PANX1: variants seen among roughly 807,000 people sequenced by gnomAD.
The protein encoded by PANX1 is pannexin-1.
A neutral mutation model predicts 38.7 loss-of-function variants in PANX1; 30 were observed. That is an observed-to-expected ratio of 0.78 (90% confidence interval 0.58 to 1.05). The LOEUF is 1.05. Among genes scored for constraint, PANX1 ranks in the 50% least tolerant of loss-of-function variants. The pLI is 0.00. For synonymous variants in PANX1, 230 were observed against 212.2 expected (o/e 1.08, Z -0.73); for missense variants, 551 against 517.2 (o/e 1.07, Z -0.63).
In PANX1 at chr11:94,163,193, A is replaced by G. The variant is rs150384882; in HGVS notation, c.321+9563A>G. ...TTTAATTTTTAAGTTTTATGGTTAC[A>G]TAATATTTGTACATATTTGTGGACT... On this transcript the variant is annotated intron_variant, in intron 2 of 4. Transcript: ENST00000227638. Among the ~76,000 whole-genome samples the G allele has an allele frequency of 7.1e-3, 1,080 of 152,270 alleles. 7 individuals are homozygous for G. Among genetic ancestry groups the G allele is most frequent in the South Asian group, 0.012 (57 of 4,824 alleles).
intron 1 of PANX1, among the ~76,000 whole-genome samples, chr11:94,133,583 TA>T (rs1946655123): frequency 6.6e-6 from 1 of 152,144 alleles, no homozygotes; most frequent in Admixed American, 6.5e-5. Context: ...ATGTAAGAAC[TA>T]AAATGTGCAC....
In PANX1 at chr11:94,179,736, C is replaced by T. The variant is rs201905685; in HGVS notation, c.680C>T (p.Ala227Val). 9.2e-5 allele frequency: 148 copies of T among 1,613,810 alleles called. No homozygotes were observed. Among genetic ancestry groups the T allele is most frequent in the Non-Finnish European group, 1.2e-4 (138 of 1,179,918 alleles). ...RLLTLIIILL[A>V]CIYLGYYFSL... ...CTGACACTCATCATTATACTGTTAG[C>T]GTGTATCTACCTGGGCTATTACTTC... The change falls in exon 4 of 5, where the codon GCG becomes GTG. Residue 227 changes from alanine to valine, a missense_variant. Coordinates refer to ENST00000227638, the MANE Select transcript of PANX1 (RefSeq NM_015368.4).
chr11:94,158,385 G>C (rs569308088), intron 2 of PANX1, among the ~76,000 whole-genome samples: 4 of 152,204 alleles, frequency 2.6e-5, no homozygotes, highest in African/African-American at 9.7e-5. Flanking sequence ...CAGGAGCATG[G>C]AACGTTCTTC....
intron 1 of PANX1, among the ~76,000 whole-genome samples, chr11:94,151,367 A>G (rs2024157636): frequency 6.6e-6 from 1 of 152,184 alleles, no homozygotes; most frequent in Non-Finnish European, 1.5e-5. Context: ...ACTCTTTCCT[A>G]TAGAAAGAAT....
At chr11:94,170,185 G>T (rs1947148773) in intron 2 of PANX1, among the ~76,000 whole-genome samples, 1 of 151,524 alleles carries the variant, frequency 6.6e-6, no homozygotes, top group African/African-American at 2.4e-5. Context: ...CCCAAACTGA[G>T]ACCTGCATCC....
Position 94,129,628 on chromosome 11 carries a change from A to G in PANX1, c.181+135A>G, listed in dbSNP as rs572927155. ...GAGCGTCAGGAAGGGCAGTGGCCCC[A>G]GTTTTATGGTCCAAAGCGTTCTTTG... On this transcript the variant is annotated intron_variant, in intron 1 of 4. Transcript: ENST00000227638. The G allele has an allele frequency of 2.3e-4, 171 of 746,206 alleles. 2 individuals carry two copies. The South Asian group carries it at 3.1e-3, about 13-fold the overall frequency. The allele number at this position is 746,206 out of a possible 1,614,324, so 46.2% of individuals were successfully genotyped here. A position where few individuals can be genotyped will look rare whatever the true frequency, so the allele number is the denominator to read the frequency against.
intron 1 of PANX1, among the ~76,000 whole-genome samples, chr11:94,151,322 G>A (rs1946880526): frequency 6.6e-6 from 1 of 152,052 alleles, no homozygotes; most frequent in African/African-American, 2.4e-5. Context: ...GCCTTGAGGG[G>A]GAGGTCCTCG....
intron 2 of PANX1, among the ~76,000 whole-genome samples, chr11:94,161,412 C>T (rs1307737453): frequency 6.6e-6 from 1 of 152,092 alleles, no homozygotes; most frequent in Non-Finnish European, 1.5e-5. Flanking sequence ...TTCTTGGAGG[C>T]TTTGTTTCTT....
At chr11:94,135,599 CCAAAG>C (rs1223928036) in intron 1 of PANX1, among the ~76,000 whole-genome samples, 1 of 152,172 alleles carries the variant, frequency 6.6e-6, no homozygotes, top group Non-Finnish European at 1.5e-5. Context: ...TCACACTAAA[CCAAAG>C]AGCCAAGAGA....
rs994444456 is a variant in PANX1, at chr11:94,141,275, C to T, written c.181+11782C>T. On this transcript the variant is annotated intron_variant, in intron 1 of 4. Coordinates refer to ENST00000227638, the MANE Select transcript of PANX1 (RefSeq NM_015368.4). The stretch of plus-strand genomic sequence containing the variant: ...TCCCATCACCAATATAGGCCAACCC[C>T]GCCCTACTTCTTTACCAATGTTTAA... 5.9e-5 allele frequency among the ~76,000 whole-genome samples: 9 copies of T among 152,310 alleles called. No homozygotes were observed. The South Asian group carries it at 6.2e-4, about 11-fold the overall frequency.
chr11:94,138,967 C>T (rs1441963156), intron 1 of PANX1, among the ~76,000 whole-genome samples: 1 of 152,116 alleles, frequency 6.6e-6, no homozygotes, highest in African/African-American at 2.4e-5. Flanking sequence ...TGAACATTTA[C>T]CTCTACAGTC....
rs550838183 is a variant in PANX1 at position 94,138,340 on chromosome 11, A to G, written c.181+8847A>G. 2.8e-4 allele frequency among the ~76,000 whole-genome samples: 42 copies of G among 152,140 alleles called. 1 individual carries two copies. In the South Asian group the frequency reaches 8.1e-3, roughly 29 times the overall value. ...TTTTTCCATTTATATAATTCTGTGA[A>G]TTGTCTGTTCTTATCTTTTGCTTAT... On this transcript the variant is annotated intron_variant, in intron 1 of 4. Coordinates refer to ENST00000227638, the MANE Select transcript of PANX1 (RefSeq NM_015368.4).
intron 2 of PANX1, chr11:94,175,799 G>C: frequency 1.0e-6 from 1 of 984,752 alleles, no homozygotes; most frequent in Non-Finnish European, 1.2e-6. Flanking sequence ...TGCTTTGTGT[G>C]TCATTGTGTA....
chr11:94,136,627 G>C (rs969070156), intron 1 of PANX1, among the ~76,000 whole-genome samples: 2 of 152,042 alleles, frequency 1.3e-5, no homozygotes, highest in Non-Finnish European at 2.9e-5. Flanking sequence ...AATTAGCCAG[G>C]TGTGGTGGCG....
intron 2 of PANX1, among the ~76,000 whole-genome samples, chr11:94,171,405 T>G (rs1352679063): frequency 6.6e-6 from 1 of 151,750 alleles, no homozygotes; most frequent in East Asian, 1.9e-4. Context: ...CTCTTAAGAC[T>G]GTAAGCTTTA....
In PANX1 at chr11:94,181,057, C is replaced by G. The variant is rs1294344097; in HGVS notation, c.*188C>G. ...AGGTTATGGAAGAATGGTTTATGAA[C>G]TTCCCATAGGAAGCACCTGAGAGAT... On this transcript the variant is annotated 3_prime_UTR_variant, in exon 5 of 5. Transcript: ENST00000227638. 3 of 573,722 alleles carry G rather than the reference C, an allele frequency of 5.2e-6. No homozygotes were observed. Among genetic ancestry groups the G allele is most frequent in the Non-Finnish European group, 9.4e-6 (3 of 319,872 alleles). The allele number at this position is 573,722 out of a possible 1,614,324, so 35.5% of individuals were successfully genotyped here.
At position 94,173,718 on chromosome 11, in the gene PANX1, T is replaced by C. The variant is rs1048060313; in HGVS notation, c.322-4651T>C. On this transcript the variant is annotated intron_variant, in intron 2 of 4. Transcript: ENST00000227638. ...TCCTGCCTGGTCTCTCTCCTTCCCATGTGTTTCTTCTTTGCCTCTGTAGTG... is the reference window on the plus strand; with the variant it reads ...TCCTGCCTGGTCTCTCTCCTTCCCACGTGTTTCTTCTTTGCCTCTGTAGTG... Among the ~76,000 whole-genome samples the C allele has an allele frequency of 1.3e-5, 2 of 151,724 alleles. 1 individual carries two copies. Among genetic ancestry groups the C allele is most frequent in the African/African-American group, 4.9e-5 (2 of 40,994 alleles).
chr11:94,180,728 T>A, intron 4 of PANX1, 62 bp from the exon 5 acceptor site: 1 of 926,968 alleles, frequency 1.1e-6, no homozygotes, highest in Non-Finnish European at 1.8e-6. Flanking sequence ...GAAGAAAAAT[T>A]GATTAGTATT....
chr11:94,161,697 G>A (rs1016446473), intron 2 of PANX1, among the ~76,000 whole-genome samples: 9 of 151,944 alleles, frequency 5.9e-5, no homozygotes, highest in African/African-American at 1.7e-4. Flanking sequence ...TAGTTTGATC[G>A]TCTGATGCCT....
Sources: gnomAD v4.1 joint callset for allele counts (sites outside exome capture counted in the v4.1 genomes callset) on GRCh38, gnomAD v4.1.1 for gene constraint, MANE v1.5 for transcripts, NCBI Gene and HGNC (gene_info 2026-07-23, HGNC 2026-07-21) for gene names.